LOC112694756: variants seen among roughly 807,000 people sequenced by gnomAD.
the LOC112694756 span, among the ~76,000 whole-genome samples, chr16:30,054,215 G>C: frequency 6.6e-6 from 1 of 151,688 alleles, no homozygotes. Context: ...AGCTACTAGG[G>C]AGGCTGAAGT....
At chr16:30,055,277 C>T in the LOC112694756 span, 1 of 399,314 alleles carries the variant, frequency 2.5e-6, no homozygotes, top group East Asian at 3.6e-5. Flanking sequence ...CTTTCCTCTG[C>T]CTAGCCCGGC....
At chr16:30,058,965 A>C in the LOC112694756 span, 1 of 398,610 alleles carries the variant, frequency 2.5e-6, no homozygotes, top group East Asian at 3.6e-5. Context: ...TGATGGAGAG[A>C]GAGAAATAAC....
chr16:30,067,294 A>C, the LOC112694756 span: 8 of 1,612,852 alleles, frequency 5.0e-6, no homozygotes, highest in Non-Finnish European at 6.8e-6. Flanking sequence ...GGAGCAGAAG[A>C]AGGAGCTGTC....
chr16:30,055,593 G>C, the LOC112694756 span, among the ~76,000 whole-genome samples: 1 of 152,300 alleles, frequency 6.6e-6, no homozygotes, highest in East Asian at 1.9e-4. Context: ...ACTTCTAAAT[G>C]AAAGTGAGCT....
chr16:30,066,659 G>T, the LOC112694756 span, among the ~76,000 whole-genome samples: 4 of 152,258 alleles, frequency 2.6e-5, no homozygotes, highest in South Asian at 6.2e-4. Context: ...TGTCCTTGAA[G>T]CCTTGGAGCC....
At chr16:30,059,526 C>G in the LOC112694756 span, among the ~76,000 whole-genome samples, 1 of 150,160 alleles carries the variant, frequency 6.7e-6, no homozygotes, top group African/African-American at 2.5e-5. Flanking sequence ...ATAATAATAT[C>G]TCTCTTTCTT....
At chr16:30,055,225 C>T in the LOC112694756 span, 14 of 399,402 alleles carry the variant, frequency 3.5e-5, no homozygotes, top group African/African-American at 8.2e-5. Context: ...AAGGTTCCTC[C>T]GGGCCCCCAG....
the LOC112694756 span, chr16:30,068,083 G>C: frequency 8.6e-6 from 1 of 116,322 alleles, no homozygotes; most frequent in South Asian, 7.3e-5. Context: ...TTTTTTTTTT[G>C]AGATGGAGTC....
chr16:30,057,744 G>A, the LOC112694756 span, among the ~76,000 whole-genome samples: 1 of 152,242 alleles, frequency 6.6e-6, no homozygotes, highest in South Asian at 2.1e-4. Flanking sequence ...CTGAGGGGCA[G>A]AAGGGCAAAA....
chr16:30,069,322 T>C, the LOC112694756 span: 1 of 1,614,182 alleles, frequency 6.2e-7, no homozygotes, highest in Non-Finnish European at 8.5e-7. Context: ...ATTGTGCCCA[T>C]CGTGGAGCCT....
chr16:30,059,299 C>T, the LOC112694756 span, among the ~76,000 whole-genome samples: 30 of 151,842 alleles, frequency 2.0e-4, no homozygotes, highest in Admixed American at 4.6e-4. Context: ...AGTTCGAGAC[C>T]ATCCTGGCTA....
chr16:30,067,087 G>T, the LOC112694756 span: 1 of 1,570,056 alleles, frequency 6.4e-7, no homozygotes, highest in Non-Finnish European at 8.6e-7. Context: ...GAGAGAGCTG[G>T]GGACCAGAAG....
At chr16:30,063,225 T>C in the LOC112694756 span, among the ~76,000 whole-genome samples, 1 of 152,166 alleles carries the variant, frequency 6.6e-6, no homozygotes, top group East Asian at 1.9e-4. Flanking sequence ...ATGAATGCGG[T>C]CTGTTCGTTG....
At chr16:30,059,722 C>T in the LOC112694756 span, among the ~76,000 whole-genome samples, 1 of 151,268 alleles carries the variant, frequency 6.6e-6, no homozygotes, top group Non-Finnish European at 1.5e-5. Context: ...GCCACCATGC[C>T]CGGCTAAAGT....
the LOC112694756 span, chr16:30,066,257 C>T: frequency 6.6e-6 from 1 of 152,394 alleles, no homozygotes; most frequent in African/African-American, 2.4e-5. Flanking sequence ...GGGGGCCGGC[C>T]CATGTACAGC....
At chr16:30,069,701 A>G in the LOC112694756 span, 27 of 1,612,742 alleles carry the variant, frequency 1.7e-5, 1 homozygote, top group East Asian at 8.9e-5. Context: ...CTTGATCTCT[A>G]TGCAGTAGAT....
chr16:30,067,230 C>T, the LOC112694756 span: 1 of 1,612,204 alleles, frequency 6.2e-7, no homozygotes, highest in Non-Finnish European at 8.5e-7. Context: ...TTTCCTGTAT[C>T]CAGGAACTTG....
chr16:30,053,742 G>A, the LOC112694756 span, among the ~76,000 whole-genome samples: 11 of 152,330 alleles, frequency 7.2e-5, no homozygotes, highest in Admixed American at 1.3e-4. Flanking sequence ...GGCATTTCCG[G>A]CAGAGGAAAC....
At chr16:30,054,784 GCCT>G in the LOC112694756 span, 1 of 398,908 alleles carries the variant, frequency 2.5e-6, no homozygotes, top group African/African-American at 2.1e-5. Flanking sequence ...ACTCGTCCAG[GCCT>G]CCTCTAGCCC....
Sources: allele counts gnomAD v4.1 joint callset (sites outside exome capture counted in the v4.1 genomes callset), GRCh38; gene constraint gnomAD v4.1.1; transcripts MANE v1.5.